The following HDAC9 variants were observed in gnomAD, a reference collection of about 807,000 sequenced individuals.
HDAC9 encodes the protein MEF-2 interacting transcription repressor (MITR) protein.
A neutral mutation model predicts 139.4 loss-of-function variants in HDAC9; 41 were observed. That is an observed-to-expected ratio of 0.29 (90% CI 0.23 to 0.38). The LOEUF is 0.38. HDAC9 is among the 10% of genes least tolerant of loss of function. The pLI is 1.00. For synonymous variants in HDAC9, 517 were observed against 476.2 expected (o/e 1.09, Z -1.12); for missense variants, 1,147 against 1,297.0 (o/e 0.88, Z 1.78).
At chr7:18,532,354 G>C (rs1236022131) in intron 2 of HDAC9, among the ~76,000 whole-genome samples, 1 of 152,182 alleles carries the variant, frequency 6.6e-6, no homozygotes, top group African/African-American at 2.4e-5. Flanking sequence ...GTTGCCTACA[G>C]TAAGATTATG....
intron 22 of HDAC9, among the ~76,000 whole-genome samples, chr7:18,912,160 G>A (rs907287825): frequency 9.2e-5 from 14 of 151,796 alleles, no homozygotes; most frequent in Non-Finnish European, 1.3e-4. Context: ...TACGTATCTG[G>A]GTGCTCCAGT....
intron 11 of HDAC9, among the ~76,000 whole-genome samples, chr7:18,654,324 GT>G (rs1790356498): frequency 6.6e-6 from 1 of 152,014 alleles, no homozygotes; most frequent in South Asian, 2.1e-4. Context: ...TCCTCCCCTT[GT>G]TTTAGGCACT....
At chr7:18,226,112 G>A (rs1793035137) in intron 2 of HDAC9, among the ~76,000 whole-genome samples, 1 of 152,110 alleles carries the variant, frequency 6.6e-6, no homozygotes, top group African/African-American at 2.4e-5. Context: ...TTTAATGTAT[G>A]TCACTGAATA....
intron 11 of HDAC9, among the ~76,000 whole-genome samples, chr7:18,656,406 C>A (rs1018411902): frequency 6.6e-6 from 1 of 152,076 alleles, no homozygotes; most frequent in East Asian, 1.9e-4. Flanking sequence ...CATGTTCTTT[C>A]CCTTGAGTGG....
chr7:18,577,938 A>C (rs1826516183), intron 2 of HDAC9, among the ~76,000 whole-genome samples: 2 of 152,278 alleles, frequency 1.3e-5, no homozygotes, highest in East Asian at 3.9e-4. Flanking sequence ...TTGTTAAAAA[A>C]AATTTAAAAA....
intron 12 of HDAC9, among the ~76,000 whole-genome samples, chr7:18,685,017 TCCTCCCA>T (rs1466006133): frequency 1.3e-5 from 2 of 152,052 alleles, no homozygotes; most frequent in Non-Finnish European, 2.9e-5. Flanking sequence ...CTCCTCAAGG[TCCTCCCA>T]CTTTTTTGTT....
intron 12 of HDAC9, among the ~76,000 whole-genome samples, chr7:18,692,111 G>A (rs962879365): frequency 6.6e-6 from 1 of 152,056 alleles, no homozygotes; most frequent in African/African-American, 2.4e-5. Flanking sequence ...CAGAGTTAAG[G>A]CTTAATGTGA....
intron 17 of HDAC9, among the ~76,000 whole-genome samples, chr7:18,826,446 C>T (rs1338164265): frequency 1.3e-5 from 2 of 152,000 alleles, no homozygotes; most frequent in East Asian, 1.9e-4. Context: ...GAGCACAATG[C>T]GAGGTTTGGG....
intron 24 of HDAC9, among the ~76,000 whole-genome samples, chr7:18,975,092 C>T (rs922810600): frequency 6.6e-6 from 1 of 152,204 alleles, no homozygotes; most frequent in African/African-American, 2.4e-5. Flanking sequence ...ATTAACTATG[C>T]TCTTTCATAT....
chr7:18,277,546 A>G (rs1415312756), intron 2 of HDAC9, among the ~76,000 whole-genome samples: 3 of 152,162 alleles, frequency 2.0e-5, no homozygotes, highest in African/African-American at 7.2e-5. Flanking sequence ...TAGAACTTAT[A>G]GTTCTTTTCT....
chr7:18,793,760 G>C (rs1361042746), intron 17 of HDAC9, among the ~76,000 whole-genome samples: 2 of 152,106 alleles, frequency 1.3e-5, no homozygotes, highest in Non-Finnish European at 2.9e-5. Flanking sequence ...ATACATGTCT[G>C]TCATGCCATC....
In HDAC9 at chr7:18,842,043, T is replaced by C. The variant is rs114283346; in HGVS notation, c.2684+6046T>C. 4.7e-3 allele frequency among the ~76,000 whole-genome samples: 713 copies of C among 152,244 alleles called. 5 individuals are homozygous for C. The highest frequency in any genetic ancestry group is 0.016 in the African/African-American group (685 of 41,568). ...ATATAGTGAAAAATGAACATTTAGA[T>C]TTAACTTTGAAATAAAGCATGATTT... On this transcript the variant is annotated intron_variant, in intron 21 of 25. Transcript: ENST00000686413.
At chr7:18,632,085 A>G (rs1048473026) in intron 7 of HDAC9, among the ~76,000 whole-genome samples, 1 of 152,058 alleles carries the variant, frequency 6.6e-6, no homozygotes, top group African/African-American at 2.4e-5. Flanking sequence ...TGGAAATGAG[A>G]CATTAATGAG....
At chr7:18,096,596 C>T (rs1782515838) in intron 1 of HDAC9, among the ~76,000 whole-genome samples, 2 of 152,148 alleles carry the variant, frequency 1.3e-5, no homozygotes, top group South Asian at 2.1e-4. Context: ...TTACATCTTG[C>T]CTTATGTTGT....
chr7:18,356,602 T>A (rs1049304180), intron 1 of HDAC9, among the ~76,000 whole-genome samples: 16 of 152,078 alleles, frequency 1.1e-4, no homozygotes, highest in African/African-American at 3.9e-4. Context: ...CAGGGGAACA[T>A]AGGAGTAATT....
intron 1 of HDAC9, among the ~76,000 whole-genome samples, chr7:18,423,707 A>G (rs1038304049): frequency 6.6e-6 from 1 of 152,190 alleles, no homozygotes; most frequent in African/African-American, 2.4e-5. Context: ...TGTAGTCCCA[A>G]GCTCTTTACA....
intron 1 of HDAC9, chr7:18,459,045 G>T: frequency 1.6e-6 from 1 of 629,816 alleles, no homozygotes; most frequent in African/African-American, 1.8e-5. Flanking sequence ...TTTGCCACGG[G>T]CTACTGACCA....
intron 2 of HDAC9, among the ~76,000 whole-genome samples, chr7:18,245,315 G>A (rs141702339): frequency 1.1e-3 from 165 of 152,334 alleles, no homozygotes; most frequent in African/African-American, 3.8e-3. Flanking sequence ...GGGTTCATAT[G>A]TCTTCCAACC....
chr7:18,275,784 C>G (rs957171763), intron 2 of HDAC9, among the ~76,000 whole-genome samples: 1 of 152,198 alleles, frequency 6.6e-6, no homozygotes, highest in Non-Finnish European at 1.5e-5. Context: ...ACTAGCCACT[C>G]TATTTAAGAT....
Sources: gnomAD v4.1 joint callset for allele counts (sites outside exome capture counted in the v4.1 genomes callset) on GRCh38, gnomAD v4.1.1 for gene constraint, MANE v1.5 for transcripts, NCBI Gene and HGNC (gene_info 2026-07-23, HGNC 2026-07-21) for gene names.